Variants in SLC9A6 observed in about 807,000 individuals in gnomAD.
SLC9A6 encodes the protein solute carrier family 9 member A6.
Under a neutral mutation model 45.3 loss-of-function variants are expected in SLC9A6, and 6 were observed. The ratio of observed to expected loss-of-function variants is 0.13; its 90% confidence interval spans 0.07 to 0.26. The LOEUF is 0.26. SLC9A6 is among the 10% of genes least tolerant of loss of function. SLC9A6 has a pLI of 1.00. For missense variants in SLC9A6, 278 were observed against 503.7 expected, an observed-to-expected ratio of 0.55 and a Z score of 4.29; for synonymous variants, 191 against 187.7, an observed-to-expected ratio of 1.02 and a Z score of -0.14.
At chrX:136,013,096 G>C (rs782010263) in intron 9 of SLC9A6, 42 bp downstream of exon 9, 1 of 981,895 alleles carries the variant, frequency 1.0e-6, no homozygotes, top group Non-Finnish European at 1.5e-6. Context: ...CTTAAAAGGA[G>C]TGACTTTGCC....
rs1397158891 is a variant in SLC9A6, at chrX:136,044,478, T to C, written c.1794T>C (p.Asp598=). 4.1e-6 allele frequency: 5 copies of C among 1,205,673 alleles called. No homozygotes were observed. The highest frequency in any genetic ancestry group is 5.6e-6 in the Non-Finnish European group (5 of 891,226). ...ACCAGGAACAGTTGAAAGATGATGA[T>C]TCTGATCTTATTCTCAATGATGGTG... ...YENQEQLKDD[D]SDLILNDGDI... is the part of the protein sequence containing the mutation. The change falls in exon 18 of 18, where the codon GAT becomes GAC. Residue 598 remains aspartate, a synonymous_variant. Coordinates refer to ENST00000630721, the MANE Select transcript of SLC9A6 (RefSeq NM_001379110.1).
At chrX:136,003,725 C>T (rs1223224851) in intron 7 of SLC9A6, among the ~76,000 whole-genome samples, 8 of 112,225 alleles carry the variant, frequency 7.1e-5, no homozygotes, top group African/African-American at 2.6e-4. Context: ...AATTGTAGCA[C>T]TTCGCACTTT....
At chrX:136,038,843 C>A (rs1412672094) in intron 16 of SLC9A6, among the ~76,000 whole-genome samples, 7 of 108,059 alleles carry the variant, frequency 6.5e-5, no homozygotes, top group African/African-American at 2.4e-4. Flanking sequence ...AGCCTCAGTA[C>A]TACCCATTCA....
At chrX:135,985,222 G>C (rs1313766157), upstream of SLC9A6, 2 of 253,176 alleles carry the variant, frequency 7.9e-6, no homozygotes, top group Admixed American at 1.4e-4. Context: ...GTCTGCCTCT[G>C]CTTGGTTACA....
chrX:135,997,286 C>T (rs2089517068), intron 3 of SLC9A6, among the ~76,000 whole-genome samples: 1 of 108,012 alleles, frequency 9.3e-6, no homozygotes, highest in African/African-American at 3.4e-5. Context: ...AAACTCCTGA[C>T]CTCAAGTGAT....
intron 16 of SLC9A6, among the ~76,000 whole-genome samples, chrX:136,034,966 G>GT (rs782032143): frequency 3.6e-5 from 4 of 111,267 alleles, no homozygotes; most frequent in Non-Finnish European, 5.7e-5. Context: ...TGCATAAAAT[G>GT]TTTTGTACAT....
chrX:135,985,831 A>C lies in SLC9A6; in HGVS notation c.169+4A>C. Reference sequence around the variant, plus strand: ...ACCGGCCTGGCTATGATTTATGGCAAGTTCCTCAACCCTTGTCAGCCCCTT... The same window carrying C: ...ACCGGCCTGGCTATGATTTATGGCACGTTCCTCAACCCTTGTCAGCCCCTT... On this transcript the variant is annotated splice_donor_region_variant and intron_variant, in intron 2 of 17. Transcript: ENST00000630721. 1 of 1,210,698 alleles carries C rather than the reference A, an allele frequency of 8.3e-7. No homozygotes were observed. Among genetic ancestry groups the C allele is most frequent in the South Asian group, 1.8e-5 (1 of 56,967 alleles).
intron 7 of SLC9A6, among the ~76,000 whole-genome samples, chrX:136,008,862 A>T (rs1265747696): frequency 1.8e-5 from 2 of 112,251 alleles, no homozygotes; most frequent in Non-Finnish European, 3.8e-5. Context: ...CTAAGAGAGA[A>T]CAAAACGAGC....
In SLC9A6 at chrX:135,998,189, A is replaced by G. The variant is rs1556616841; in HGVS notation, c.447+4A>G. The G allele has an allele frequency of 1.9e-6, 2 of 1,050,736 alleles. No individual in the cohort carries two copies. The highest frequency in any genetic ancestry group is 3.8e-5 in the South Asian group (2 of 53,258). The allele number at this position is 1,050,736 out of a possible 1,213,427, so 86.6% of individuals were successfully genotyped here. On this transcript the variant is annotated splice_donor_region_variant and intron_variant, in intron 4 of 17. Coordinates refer to ENST00000630721, the MANE Select transcript of SLC9A6 (RefSeq NM_001379110.1). ...TGCAGGTTATAGCCTGAAAAGGGTAAGTCCTTTTGTCTTTCATATACTTTG... is the reference window on the plus strand; with the variant it reads ...TGCAGGTTATAGCCTGAAAAGGGTAGGTCCTTTTGTCTTTCATATACTTTG...
intron 7 of SLC9A6, among the ~76,000 whole-genome samples, chrX:136,007,978 A>C (rs2089682672): frequency 9.0e-6 from 1 of 111,383 alleles, no homozygotes; most frequent in Non-Finnish European, 1.9e-5. Context: ...CCAAAAGTGT[A>C]ATGGAGACCT....
chrX:136,006,655 A>G (rs782576970), intron 7 of SLC9A6, among the ~76,000 whole-genome samples: 3 of 110,804 alleles, frequency 2.7e-5, no homozygotes, highest in South Asian at 7.6e-4. Flanking sequence ...GAGATAAAGT[A>G]TACGTTGCAT....
At chrX:136,005,086 A>G (rs2089637438) in intron 7 of SLC9A6, among the ~76,000 whole-genome samples, 1 of 111,785 alleles carries the variant, frequency 8.9e-6, no homozygotes, top group Non-Finnish European at 1.9e-5. Context: ...CATTGCCCTA[A>G]TGGCCTAATG....
chrX:135,973,965 C>G (rs1396684846), upstream of SLC9A6: 1 of 1,038,035 alleles, frequency 9.6e-7, no homozygotes, highest in Non-Finnish European at 1.3e-6. Flanking sequence ...GAGGCGAAAG[C>G]GGGAGCTACG....
Position 136,016,749 on chromosome X carries a change from A to T in SLC9A6, c.1185A>T (p.Val395=). 4 of 1,087,949 alleles carry T rather than the reference A, an allele frequency of 3.7e-6. No homozygotes were observed. The highest frequency in any genetic ancestry group is 5.1e-6 in the Non-Finnish European group (4 of 784,130). 89.7% of individuals were successfully genotyped at this position (1,087,949 alleles called of 1,213,427 possible). The change falls in exon 11 of 18, where the codon GTA becomes GTT. Residue 395 remains valine, a synonymous_variant. Coordinates refer to ENST00000630721, the MANE Select transcript of SLC9A6 (RefSeq NM_001379110.1). ...ATGTCTTTAACCCAACATTTGTAGT[A>T]GGAGCATTTGTATCCTTTATTATGT... ...QNHVFNPTFV[V]GAFVAIFLGR... is the part of the protein sequence containing the mutation.
intron 8 of SLC9A6, 118 bp from the exon 9 acceptor site, chrX:136,012,831 A>T (rs1217924417): frequency 8.8e-6 from 5 of 567,741 alleles, no homozygotes; most frequent in Non-Finnish European, 1.6e-5. Context: ...TTATTCTGAG[A>T]TTTCTGTGTT....
chrX:136,027,456 C>T (rs1351436208), intron 13 of SLC9A6, among the ~76,000 whole-genome samples: 1 of 111,364 alleles, frequency 9.0e-6, no homozygotes, highest in Non-Finnish European at 1.9e-5. Context: ...CTCTCATGGC[C>T]GGAGTATAGT....
intron 7 of SLC9A6, among the ~76,000 whole-genome samples, chrX:136,009,346 C>G (rs781989935): frequency 9.0e-6 from 1 of 110,903 alleles, no homozygotes; most frequent in South Asian, 3.7e-4. Context: ...TGCTATATTT[C>G]AATAAAATAA....
At chrX:135,978,245 C>T (rs782007637) in intron 1 of SLC9A6, among the ~76,000 whole-genome samples, 1 of 112,132 alleles carries the variant, frequency 8.9e-6, no homozygotes, top group South Asian at 3.7e-4. Flanking sequence ...ATTTTAATTG[C>T]TCTTCTCTGG....
At chrX:135,979,339 C>T (rs1438011505) in intron 1 of SLC9A6, among the ~76,000 whole-genome samples, 7 of 111,482 alleles carry the variant, frequency 6.3e-5, no homozygotes, top group Non-Finnish European at 7.5e-5. Flanking sequence ...GCTCCCACAG[C>T]GTCAATATTA....
Sources: allele counts gnomAD v4.1 joint callset (sites outside exome capture counted in the v4.1 genomes callset), GRCh38; gene constraint gnomAD v4.1.1; transcripts MANE v1.5; gene names NCBI Gene and HGNC (gene_info 2026-07-23, HGNC 2026-07-21).